Variants in SEMA3D observed in about 807,000 individuals in gnomAD.
SEMA3D encodes the protein semaphorin 3D.
Under a neutral mutation model 100.1 loss-of-function variants are expected in SEMA3D, and 84 were observed. The ratio of observed to expected loss-of-function variants is 0.84; its 90% CI spans 0.70 to 1.01. The LOEUF (loss-of-function observed/expected upper bound fraction) is 1.01. Ranked by LOEUF, SEMA3D falls within the 50% of genes least tolerant of loss-of-function variation. The pLI is 0.00. For missense variants in SEMA3D, 875 were observed against 934.1 expected (o/e 0.94, Z 0.82); for synonymous variants, 312 against 320.7 (o/e 0.97, Z 0.29).
chr7:85,201,999 C>T, the SEMA3D span, among the ~76,000 whole-genome samples: 1 of 151,874 alleles, frequency 6.6e-6, no homozygotes, highest in Non-Finnish European at 1.5e-5. Context: ...GGATTACAGG[C>T]ATGAGCTATC....
chr7:85,156,159 G>A (rs1329234831), intron 1 of SEMA3D, among the ~76,000 whole-genome samples: 1 of 150,768 alleles, frequency 6.6e-6, no homozygotes, highest in Admixed American at 6.6e-5. Flanking sequence ...CTAGGGTGCA[G>A]TGGCAAGATC....
At chr7:85,240,144 C>CTT in the SEMA3D span, among the ~76,000 whole-genome samples, 1 of 151,934 alleles carries the variant, frequency 6.6e-6, no homozygotes, top group Non-Finnish European at 1.5e-5. Flanking sequence ...TCACTATAGG[C>CTT]TTTTTGTAGA....
chr7:85,138,014 T>C (rs2116453044), intron 2 of SEMA3D, among the ~76,000 whole-genome samples: 1 of 152,280 alleles, frequency 6.6e-6, no homozygotes, highest in African/African-American at 2.4e-5. Flanking sequence ...GCCTGAATTT[T>C]ACATGCCTCT....
intron 2 of SEMA3D, chr7:85,142,044 A>G (rs982269787): frequency 2.0e-6 from 2 of 984,024 alleles, no homozygotes; most frequent in Non-Finnish European, 2.4e-6. Context: ...ATAGAAGGTA[A>G]GAGAAAAAAA....
At chr7:85,014,189 G>A (rs1400285351) in intron 16 of SEMA3D, among the ~76,000 whole-genome samples, 1 of 151,778 alleles carries the variant, frequency 6.6e-6, no homozygotes, top group Non-Finnish European at 1.5e-5. Flanking sequence ...TTGTGGTAAT[G>A]AGACTAGCAT....
rs78117131 is a variant in SEMA3D at position 85,153,290 on chromosome 7, C to A, written c.-41+318G>T. On this transcript the variant is annotated intron_variant, in intron 2 of 18. Coordinates refer to ENST00000284136, the MANE Select transcript of SEMA3D (RefSeq NM_001384900.1). Reference sequence around the variant, plus strand: ...ATAACTAACAGGACTCAAAGAATTACAATTACTTTACGCTATTTTTGTTTC... The same window carrying A: ...ATAACTAACAGGACTCAAAGAATTAAAATTACTTTACGCTATTTTTGTTTC... Among the ~76,000 whole-genome samples, 225 of 152,256 alleles carry A rather than the reference C, an allele frequency of 1.5e-3. 1 individual carries two copies. Among genetic ancestry groups the A allele is most frequent in the African/African-American group, 5.2e-3 (216 of 41,560 alleles).
chr7:85,247,997 T>C, the SEMA3D span, among the ~76,000 whole-genome samples: 3 of 151,876 alleles, frequency 2.0e-5, no homozygotes, highest in Non-Finnish European at 4.4e-5. Context: ...ATAGATACCA[T>C]GCAAAAGGCA....
the SEMA3D span, among the ~76,000 whole-genome samples, chr7:85,196,801 T>C: frequency 6.6e-6 from 1 of 152,134 alleles, no homozygotes; most frequent in South Asian, 2.1e-4. Flanking sequence ...TCTACTACAT[T>C]CCCACAAAAA....
chr7:85,122,004 A>T (rs999919838), intron 2 of SEMA3D, 73 bp from the exon 3 acceptor site: 27 of 681,738 alleles, frequency 4.0e-5, no homozygotes, highest in Non-Finnish European at 5.9e-5. Flanking sequence ...ACCAAATACC[A>T]TATCATCTCA....
At chr7:85,192,232 A>G in the SEMA3D span, among the ~76,000 whole-genome samples, 1 of 152,074 alleles carries the variant, frequency 6.6e-6, no homozygotes, top group South Asian at 2.1e-4. Flanking sequence ...AGTGGGGAAC[A>G]GTTTCTGATC....
intron 12 of SEMA3D, among the ~76,000 whole-genome samples, chr7:85,023,146 C>G (rs556698618): frequency 6.6e-6 from 1 of 151,920 alleles, no homozygotes; most frequent in South Asian, 2.1e-4. Context: ...ACACTTTGAA[C>G]AATTCAACAG....
intron 4 of SEMA3D, among the ~76,000 whole-genome samples, chr7:85,096,542 T>C (rs1788560132): frequency 1.3e-5 from 2 of 151,896 alleles, no homozygotes; most frequent in Non-Finnish European, 2.9e-5. Flanking sequence ...ACATGAAATG[T>C]ATGTGTATAC....
At chr7:85,054,463 T>C (rs1488248645) in intron 9 of SEMA3D, among the ~76,000 whole-genome samples, 2 of 151,992 alleles carry the variant, frequency 1.3e-5, no homozygotes, top group African/African-American at 2.4e-5. Flanking sequence ...CAAGAGAAAT[T>C]ACTGTGAATT....
chr7:85,150,368 T>TATAA lies in SEMA3D; in HGVS notation c.-41+3239_-41+3240insTTAT, dbSNP rs1554348719. Among the ~76,000 whole-genome samples, 24 of 130,002 alleles carry TATAA rather than the reference T, an allele frequency of 1.8e-4. No individual in the cohort carries two copies. The South Asian group carries it at 5.1e-3, about 27-fold the overall frequency. 85.3% of individuals were successfully genotyped at this position (130,002 alleles called of 152,430 possible). A position where few individuals can be genotyped will look rare whatever the true frequency, so the allele number is the denominator to read the frequency against. ...AGAAATATATATATATATATATATATTATATATATATACACACACACATAT... is the reference window on the plus strand; with the variant it reads ...AGAAATATATATATATATATATATATATAATATATATATATACACACACACATAT... On this transcript the variant is annotated intron_variant, in intron 2 of 18. Coordinates refer to ENST00000284136, the MANE Select transcript of SEMA3D (RefSeq NM_001384900.1).
intron 18 of SEMA3D, among the ~76,000 whole-genome samples, chr7:85,003,169 C>T (rs1376811972): frequency 6.6e-6 from 1 of 152,004 alleles, no homozygotes; most frequent in Non-Finnish European, 1.5e-5. Context: ...GGAAAATGAA[C>T]TGGAATGGAA....
the SEMA3D span, among the ~76,000 whole-genome samples, chr7:85,214,270 C>G: frequency 6.6e-6 from 1 of 152,110 alleles, no homozygotes; most frequent in Non-Finnish European, 1.5e-5. Context: ...AAGGACTTTT[C>G]TTTGGTACTA....
rs1788408726 is a variant in SEMA3D, at chr7:85,092,048, T to C, written c.312+5757A>G. On this transcript the variant is annotated intron_variant, in intron 4 of 18. Transcript: ENST00000284136. ...TTTTCTGCTCCATTTCTCAAACATATTTTTCCCCATTCGAACTGAACAACA... is the reference window on the plus strand; with the variant it reads ...TTTTCTGCTCCATTTCTCAAACATACTTTTCCCCATTCGAACTGAACAACA... Among the ~76,000 whole-genome samples the C allele has an allele frequency of 2.6e-5, 4 of 151,958 alleles. No individual in the cohort carries two copies. The South Asian group carries it at 8.3e-4, about 31-fold the overall frequency.
chr7:85,174,070 G>A lies in SEMA3D; in HGVS notation c.-173+12608C>T, dbSNP rs140953784. Among the ~76,000 whole-genome samples, 127 of 152,218 alleles carry A rather than the reference G, an allele frequency of 8.3e-4. 4 individuals carry two copies. In the East Asian group the frequency reaches 0.021, roughly 25 times the overall value. On this transcript the variant is annotated intron_variant, in intron 1 of 18. Coordinates refer to ENST00000284136, the MANE Select transcript of SEMA3D (RefSeq NM_001384900.1). ...AGCTGGGACCCAAGAAAGAAAGGAT[G>A]GAGATAATACTCTGAACATAACCTC...
intron 3 of SEMA3D, among the ~76,000 whole-genome samples, chr7:85,108,844 C>T (rs1273153347): frequency 6.6e-6 from 1 of 151,788 alleles, no homozygotes; most frequent in East Asian, 1.9e-4. Context: ...TGATCAATGA[C>T]CTGTTTAGTT....
Sources: allele counts gnomAD v4.1 joint callset (sites outside exome capture counted in the v4.1 genomes callset), GRCh38; gene constraint gnomAD v4.1.1; transcripts MANE v1.5; gene names NCBI Gene and HGNC (gene_info 2026-07-23, HGNC 2026-07-21).